CLMN: variants seen among roughly 807,000 people sequenced by gnomAD.
CLMN encodes calmin.
CLMN carries 57 observed loss-of-function variants against 92.7 expected under a neutral mutation model. That is an observed-to-expected ratio of 0.61 (90% CI 0.50 to 0.77). CLMN has a LOEUF of 0.77. Among genes scored for constraint, CLMN ranks in the 30% least tolerant of loss-of-function variants. The pLI is 0.00. For missense variants in CLMN, 1,158 were observed against 1,237.5 expected (o/e 0.94, Z 0.96); for synonymous variants, 466 against 470.6 (o/e 0.99, Z 0.13).
At position 95,256,455 on chromosome 14, in the gene CLMN, T is replaced by A. The variant is rs1466596312; in HGVS notation, c.83-26322A>T. Among the ~76,000 whole-genome samples the A allele has an allele frequency of 6.6e-6, 1 of 152,210 alleles. No homozygotes were observed. Among genetic ancestry groups the A allele is most frequent in the Non-Finnish European group, 1.5e-5 (1 of 68,042 alleles). The stretch of plus-strand genomic sequence containing the variant: ...GACACTGAGAAGCACTCTAACTCCT[T>A]CTTTGTGAACACGTTTTGACACAGT... On this transcript the variant is annotated intron_variant, in intron 1 of 12. Transcript: ENST00000298912. This position sits in a 1 kb window ranked among gnomAD's most constrained non-coding sequence, Gnocchi z 4.9.
chr14:95,225,473 A>T (rs1439234216), intron 2 of CLMN, among the ~76,000 whole-genome samples: 4 of 152,120 alleles, frequency 2.6e-5, no homozygotes, highest in African/African-American at 9.7e-5. Flanking sequence ...CACAGCCCCC[A>T]CCTACCCGGC....
At chr14:95,226,339 G>A (rs751781698) in intron 2 of CLMN, among the ~76,000 whole-genome samples, 1 of 151,846 alleles carries the variant, frequency 6.6e-6, no homozygotes, top group Non-Finnish European at 1.5e-5. Context: ...GTAATGACAA[G>A]AAGCAACTCT....
intron 1 of CLMN, among the ~76,000 whole-genome samples, chr14:95,235,435 A>T (rs978928593): frequency 1.3e-5 from 2 of 152,206 alleles, no homozygotes; most frequent in Non-Finnish European, 2.9e-5. Context: ...AATGACAATG[A>T]GCACCTCAGC....
At chr14:95,281,749 G>T (rs1900151869) in intron 1 of CLMN, among the ~76,000 whole-genome samples, 1 of 152,186 alleles carries the variant, frequency 6.6e-6, no homozygotes, top group African/African-American at 2.4e-5. Flanking sequence ...TACTGTTGTG[G>T]AATATATTGC....
At chr14:95,198,079 T>C (rs2140565188) in intron 9 of CLMN, among the ~76,000 whole-genome samples, 1 of 142,202 alleles carries the variant, frequency 7.0e-6, no homozygotes, top group African/African-American at 2.6e-5. Context: ...GATGGAGTCT[T>C]GCTTTTGTCT....
chr14:95,202,873 C>G lies in CLMN; in HGVS notation c.2476G>C (p.Glu826Gln). The change falls in exon 9 of 13, where the codon GAG becomes CAG. Residue 826 changes from glutamate (E) to glutamine (Q), a missense_variant. Coordinates refer to ENST00000298912, the MANE Select transcript of CLMN (RefSeq NM_024734.4). ...TCCATGGGGTCATTCTCTTTGGTCT[C>G]CCTTTGCTGGTGGTCCTCATGGGGG... ...LAPHEDHQQR[E>Q]TKENDPMDSH... is the part of the protein sequence containing the mutation. 6.4e-7 allele frequency: 1 copy of G among 1,557,328 alleles called. No homozygotes were observed. The highest frequency in any genetic ancestry group is 8.6e-7 in the Non-Finnish European group (1 of 1,156,706).
intron 1 of CLMN, among the ~76,000 whole-genome samples, chr14:95,318,242 C>T (rs1901882271): frequency 6.6e-6 from 1 of 152,170 alleles, no homozygotes; most frequent in South Asian, 2.1e-4. Flanking sequence ...GACACTAATG[C>T]CCACCCCCAA....
intron 1 of CLMN, among the ~76,000 whole-genome samples, chr14:95,288,229 G>A (rs890985555): frequency 3.9e-5 from 6 of 152,202 alleles, no homozygotes; most frequent in African/African-American, 1.2e-4. Flanking sequence ...GAGGACTTAC[G>A]TGAACAGCTG....
At chr14:95,215,603 G>A (rs779781838) in intron 5 of CLMN, 38 bp downstream of exon 5, 3 of 1,549,774 alleles carry the variant, frequency 1.9e-6, no homozygotes, top group Non-Finnish European at 2.7e-6. Context: ...GCAGACACAA[G>A]ATCATGATTG....
chr14:95,237,778 A>G (rs563091622), intron 1 of CLMN, among the ~76,000 whole-genome samples: 5 of 152,192 alleles, frequency 3.3e-5, no homozygotes, highest in African/African-American at 9.6e-5. Flanking sequence ...AACCTTTTAT[A>G]TAAGTGACCT....
chr14:95,226,584 CT>C (rs988443361), intron 2 of CLMN, among the ~76,000 whole-genome samples: 22 of 148,778 alleles, frequency 1.5e-4, no homozygotes, highest in Non-Finnish European at 2.5e-4. Context: ...TCTTCTTCTT[CT>C]TTTTTTTTTG....
At chr14:95,209,354 A>T (rs1390745793) in intron 8 of CLMN, 41 bp downstream of exon 8, 1 of 1,580,556 alleles carries the variant, frequency 6.3e-7, no homozygotes, top group African/African-American at 1.3e-5. Context: ...GCGGATGGAA[A>T]TGTATGGTGT....
chr14:95,187,445 G>A lies in CLMN; in HGVS notation c.*4119C>T, dbSNP rs934629745. On this transcript the variant is annotated 3_prime_UTR_variant, in exon 13 of 13. Transcript: ENST00000298912. ...ATGCCTGCAGAGGGGAGGCCACAGAGTGGTCAGCAGAGATGCCCTGTGGCC... is the reference window on the plus strand; with the variant it reads ...ATGCCTGCAGAGGGGAGGCCACAGAATGGTCAGCAGAGATGCCCTGTGGCC... 1 of 152,244 alleles carries A rather than the reference G, an allele frequency of 6.6e-6. No homozygotes were observed. Among genetic ancestry groups the A allele is most frequent in the Non-Finnish European group, 1.5e-5 (1 of 68,072 alleles). The allele number at this position is 152,244 out of a possible 1,614,324, so 9.4% of individuals were successfully genotyped here. A position where few individuals can be genotyped will look rare whatever the true frequency, so the allele number is the denominator to read the frequency against.
intron 6 of CLMN, among the ~76,000 whole-genome samples, chr14:95,212,557 A>G (rs1294232482): frequency 6.6e-6 from 1 of 152,102 alleles, no homozygotes; most frequent in African/African-American, 2.4e-5. Context: ...TACAGCCTTT[A>G]TTATTACTAT....
chr14:95,293,114 CCCTTCCCT>C (rs1466075621), intron 1 of CLMN, among the ~76,000 whole-genome samples: 1 of 123,394 alleles, frequency 8.1e-6, no homozygotes, highest in Non-Finnish European at 1.7e-5. Context: ...GCCCTCCCCT[CCCTTCCCT>C]CCTTCCCTCC....
rs185938247 is a variant in CLMN at position 95,310,814 on chromosome 14, G to A, written c.82+8897C>T. 6.2e-3 allele frequency among the ~76,000 whole-genome samples: 937 copies of A among 152,334 alleles called. 4 individuals carry two copies. Among genetic ancestry groups the A allele is most frequent in the Non-Finnish European group, 0.011 (770 of 68,030 alleles). ...CCTCGTGGACAAAGGCACAGCAAGG[G>A]TAAAGGGCGTGGCCTGTGGGCAAAC... On this transcript the variant is annotated intron_variant, in intron 1 of 12. Coordinates refer to ENST00000298912, the MANE Select transcript of CLMN (RefSeq NM_024734.4).
intron 5 of CLMN, among the ~76,000 whole-genome samples, 172 bp downstream of exon 5, chr14:95,215,469 C>A (rs556598772): frequency 2.0e-5 from 3 of 152,332 alleles, no homozygotes; most frequent in African/African-American, 7.2e-5. Context: ...ATCACAGAGA[C>A]TCAAACACTT....
In CLMN at chr14:95,259,001, G is replaced by A. The variant is rs1032739460; in HGVS notation, c.83-28868C>T. Among the ~76,000 whole-genome samples, 9 of 150,456 alleles carry A rather than the reference G, an allele frequency of 6.0e-5. No homozygotes were observed. The highest frequency in any genetic ancestry group is 2.2e-4 in the African/African-American group (9 of 40,412). On this transcript the variant is annotated intron_variant, in intron 1 of 12. Transcript: ENST00000298912. This position sits in a 1 kb window ranked among gnomAD's most constrained non-coding sequence, Gnocchi z 4.3. ...GTGTGTGTGCGTGGAGAGTGTGTTT[G>A]TATGTATGTGTGATATGTGTTGTGT...
At chr14:95,319,650 G>A in intron 1 of CLMN, 61 bp downstream of exon 1, 1 of 1,390,100 alleles carries the variant, frequency 7.2e-7, no homozygotes, top group Non-Finnish European at 9.8e-7. Flanking sequence ...CCAAGTGTCG[G>A]AGCGGCGCCC....
Sources: gnomAD v4.1 joint callset for allele counts (sites outside exome capture counted in the v4.1 genomes callset) on GRCh38, gnomAD v4.1.1 for gene constraint, Gnocchi (gnomAD v3.1) non-coding constraint, MANE v1.5 for transcripts, NCBI Gene and HGNC (gene_info 2026-07-23, HGNC 2026-07-21) for gene names.